Variants in COL24A1 observed in about 807,000 individuals in gnomAD.
COL24A1 encodes collagen type XXIV alpha 1 chain, also known as collagen alpha-1(XXIV) chain.
Under a neutral mutation model 253.9 loss-of-function variants are expected in COL24A1, and 224 were observed. The ratio of observed to expected loss-of-function variants is 0.88; its 90% CI spans 0.79 to 0.99. The LOEUF is 0.99. COL24A1 is among the 50% of genes least tolerant of loss of function. The probability of loss-of-function intolerance (pLI) is 0.00; values close to 1 mark genes in which losing one functional copy is unlikely to be tolerated. For missense variants in COL24A1, 2,131 were observed against 2,068.5 expected, an observed-to-expected ratio of 1.03 and a Z score of -0.59; for synonymous variants, 685 against 673.7, an observed-to-expected ratio of 1.02 and a Z score of -0.26.
intron 10 of COL24A1, 134 bp from the exon 11 acceptor site, chr1:86,050,311 C>A: frequency 2.0e-6 from 1 of 506,820 alleles, no homozygotes; most frequent in East Asian, 3.3e-5. Flanking sequence ...ATAACTTCCC[C>A]TCACCTAATT....
intron 37 of COL24A1, among the ~76,000 whole-genome samples, chr1:85,857,490 A>G (rs1678575140): frequency 6.6e-6 from 1 of 151,852 alleles, no homozygotes; most frequent in Admixed American, 6.6e-5. Flanking sequence ...AAAAAAGACA[A>G]AGAAAAAAAT....
Position 85,908,629 on chromosome 1 carries a change from AC to A in COL24A1, c.2692del (p.Val898PhefsTer38). ...TCCCAATGGACCGATAGGTCCTGGA[AC>A]CCCAGGAGGACCTGGATATCCCTAT... ...GVMGYPGPPG[V>X]PGPIGPLGLP... On this transcript the variant is annotated frameshift_variant, in exon 27 of 60. Transcript: ENST00000370571. LOFTEE classifies it high-confidence loss of function. 2 of 1,465,050 alleles carry A rather than the reference AC, an allele frequency of 1.4e-6. No individual in the cohort carries two copies. The highest frequency in any genetic ancestry group is 1.5e-5 in the South Asian group (1 of 68,212). 90.8% of individuals were successfully genotyped at this position (1,465,050 alleles called of 1,614,324 possible).
intron 5 of COL24A1, among the ~76,000 whole-genome samples, chr1:86,099,242 C>T (rs974902914): frequency 6.6e-6 from 1 of 152,034 alleles, no homozygotes; most frequent in African/African-American, 2.4e-5. Context: ...TTGTGAGATG[C>T]AGTTAAATCT....
At chr1:85,935,034 C>T (rs1478149930) in intron 24 of COL24A1, among the ~76,000 whole-genome samples, 1 of 151,764 alleles carries the variant, frequency 6.6e-6, no homozygotes, top group East Asian at 1.9e-4. Flanking sequence ...AAACATTTCA[C>T]TTTTGGCAAA....
chr1:85,817,021 G>C, intron 46 of COL24A1, 126 bp from the exon 47 acceptor site: 1 of 675,344 alleles, frequency 1.5e-6, no homozygotes, highest in Non-Finnish European at 2.5e-6. Context: ...AAATTTTCCT[G>C]TTTCCTGGAT....
chr1:86,118,861 TA>T (rs1706418532), intron 3 of COL24A1, among the ~76,000 whole-genome samples: 1 of 151,956 alleles, frequency 6.6e-6, no homozygotes, highest in Non-Finnish European at 1.5e-5. Context: ...ACAAAACTAA[TA>T]AAAGACACAG....
At position 85,781,203 on chromosome 1, in the gene COL24A1, T is replaced by C. The variant is rs374150844; in HGVS notation, c.4338+17A>G. ...GAAAAAAAAGAGTACAAAAGACTTGTATTATGATAAACTTACAGTTCTACC... is the reference window on the plus strand; with the variant it reads ...GAAAAAAAAGAGTACAAAAGACTTGCATTATGATAAACTTACAGTTCTACC... On this transcript the variant is annotated intron_variant, in intron 52 of 59. Transcript: ENST00000370571. The C allele has an allele frequency of 3.8e-6, 6 of 1,558,940 alleles. No individual in the cohort carries two copies. The African/African-American group carries it at 6.9e-5, about 18-fold the overall frequency.
intron 2 of COL24A1, among the ~76,000 whole-genome samples, chr1:86,138,984 T>C (rs1650681460): frequency 6.6e-6 from 1 of 151,280 alleles, no homozygotes; most frequent in Non-Finnish European, 1.5e-5. Context: ...TGTTGTTGTT[T>C]CGTTAAACAC....
At chr1:85,822,245 A>G (rs1264482920) in intron 45 of COL24A1, among the ~76,000 whole-genome samples, 1 of 152,224 alleles carries the variant, frequency 6.6e-6, no homozygotes, top group Non-Finnish European at 1.5e-5. Context: ...TATCTGATTC[A>G]ACCCCATTTT....
chr1:86,093,473 A>G (rs1468845990), intron 5 of COL24A1, among the ~76,000 whole-genome samples: 2 of 151,876 alleles, frequency 1.3e-5, no homozygotes, highest in African/African-American at 4.8e-5. Flanking sequence ...TCTCTATTCT[A>G]TTCCATTGGT....
intron 12 of COL24A1, among the ~76,000 whole-genome samples, chr1:86,035,080 A>G (rs554528142): frequency 6.6e-6 from 1 of 152,300 alleles, no homozygotes; most frequent in South Asian, 2.1e-4. Flanking sequence ...AAGATAGTTT[A>G]ACAATGGAAA....
At chr1:86,121,918 A>G (rs929835343) in intron 3 of COL24A1, among the ~76,000 whole-genome samples, 1 of 152,080 alleles carries the variant, frequency 6.6e-6, no homozygotes. Context: ...AAGAACTTCA[A>G]AGATAAAGAA....
intron 1 of COL24A1, among the ~76,000 whole-genome samples, chr1:86,153,829 G>A (rs1028032217): frequency 6.6e-6 from 1 of 152,132 alleles, no homozygotes; most frequent in Non-Finnish European, 1.5e-5. Flanking sequence ...CTGCCTCAGA[G>A]ACCTTCTGAT....
At chr1:85,979,103 T>C (rs1417941183) in intron 20 of COL24A1, among the ~76,000 whole-genome samples, 1 of 152,050 alleles carries the variant, frequency 6.6e-6, no homozygotes, top group African/African-American at 2.4e-5. Flanking sequence ...GGGTCAACAA[T>C]GAAATCAAGA....
rs765957754 is a variant in COL24A1, at chr1:85,874,685, A to C, written c.3102T>G (p.Ala1034=). The C allele has an allele frequency of 4.8e-5, 78 of 1,612,344 alleles. No individual in the cohort carries two copies. Among genetic ancestry groups the C allele is most frequent in the Non-Finnish European group, 6.4e-5 (75 of 1,179,962 alleles). The change falls in exon 35 of 60, where the codon GCT becomes GCG. Residue 1034 remains alanine (A), a synonymous_variant. Transcript: ENST00000370571. ...GTTCCCCAGTTCCTCCAACACTGCC[A>C]GCAGTTCCAACATCTCCCTGAAGAA... ...EPGAKGDVGT[A]GSVGGTGEPG...
intron 27 of COL24A1, 114 bp downstream of exon 27, chr1:85,908,484 C>G: frequency 1.7e-6 from 1 of 573,944 alleles, no homozygotes; most frequent in Non-Finnish European, 3.1e-6. Context: ...GCAGTCTCCA[C>G]TAGTTTACAC....
chr1:85,822,560 G>A (rs190384679), intron 45 of COL24A1, among the ~76,000 whole-genome samples: 81 of 152,034 alleles, frequency 5.3e-4, no homozygotes, highest in East Asian at 3.5e-3. Flanking sequence ...CAGATTTTTA[G>A]TTTGCTTGAT....
At chr1:85,742,319 A>C (rs1167145009) in intron 57 of COL24A1, among the ~76,000 whole-genome samples, 1 of 151,680 alleles carries the variant, frequency 6.6e-6, no homozygotes, top group Non-Finnish European at 1.5e-5. Context: ...TTTTTAGTAG[A>C]GATGGGGTTT....
At chr1:85,891,217 A>ATTT (rs138122213) in intron 31 of COL24A1, among the ~76,000 whole-genome samples, 2 of 127,108 alleles carry the variant, frequency 1.6e-5, no homozygotes, top group African/African-American at 5.8e-5. Context: ...CGCCCGGCTA[A>ATTT]TTTTTTTTTT....
Sources: allele counts gnomAD v4.1 joint callset (sites outside exome capture counted in the v4.1 genomes callset), GRCh38; gene constraint gnomAD v4.1.1; transcripts MANE v1.5; gene names NCBI Gene and HGNC (gene_info 2026-07-23, HGNC 2026-07-21).